HDAC4: variants seen among roughly 807,000 people sequenced by gnomAD.
HDAC4 encodes histone deacetylase 4.
Under a neutral mutation model 135.1 loss-of-function variants are expected in HDAC4, and 16 were observed. The observed-to-expected ratio is 0.12, with a 90% confidence interval of 0.08 to 0.18. The LOEUF is 0.18. Among genes scored for constraint, HDAC4 ranks in the 10% least tolerant of loss-of-function variants. HDAC4 has a pLI of 1.00. For synonymous variants in HDAC4, 685 were observed against 653.4 expected, an observed-to-expected ratio of 1.05 and a Z score of -0.74; for missense variants, 1,143 against 1,511.8, an observed-to-expected ratio of 0.76 and a Z score of 4.05.
At chr2:239,201,438 C>G (rs896802475) in intron 3 of HDAC4, among the ~76,000 whole-genome samples, 1 of 152,198 alleles carries the variant, frequency 6.6e-6, no homozygotes, top group African/African-American at 2.4e-5. Flanking sequence ...CCTGCCCGAC[C>G]CCTCGGCCTG....
At chr2:239,135,287 T>C (rs1233988993) in intron 9 of HDAC4, among the ~76,000 whole-genome samples, 1 of 152,132 alleles carries the variant, frequency 6.6e-6, no homozygotes, top group Non-Finnish European at 1.5e-5. Flanking sequence ...AACAACTGCC[T>C]CTACGAAAGG....
At chr2:239,149,338 T>C (rs1051928409) in intron 7 of HDAC4, among the ~76,000 whole-genome samples, 6 of 151,882 alleles carry the variant, frequency 4.0e-5, no homozygotes, top group Admixed American at 6.6e-5. Flanking sequence ...AGGCGGAGGT[T>C]GTCTCACTTG....
At chr2:239,152,683 TA>T (rs2042188475) in intron 7 of HDAC4, among the ~76,000 whole-genome samples, 1 of 152,180 alleles carries the variant, frequency 6.6e-6, no homozygotes, top group East Asian at 1.9e-4. Context: ...ATTTTGGGTA[TA>T]AATCTTGGTG....
intron 3 of HDAC4, among the ~76,000 whole-genome samples, chr2:239,234,708 C>A (rs2047781855): frequency 1.3e-5 from 2 of 152,274 alleles, no homozygotes; most frequent in South Asian, 4.1e-4. Context: ...AGAGGCGGGC[C>A]CCAGGTGCCC....
At chr2:239,162,134 T>C (rs1408332690) in intron 6 of HDAC4, 11 of 456,680 alleles carry the variant, frequency 2.4e-5, no homozygotes, top group South Asian at 7.7e-5. Context: ...GCAGCCCCAC[T>C]GCTCTAGTCC....
intron 1 of HDAC4, among the ~76,000 whole-genome samples, chr2:239,356,349 G>C (rs1039032377): frequency 1.3e-5 from 2 of 152,130 alleles, no homozygotes; most frequent in Non-Finnish European, 2.9e-5. Flanking sequence ...CCCATTTAAA[G>C]GGCAGGGGTT....
intron 15 of HDAC4, among the ~76,000 whole-genome samples, chr2:239,106,040 C>T (rs1241956188): frequency 6.6e-6 from 1 of 152,204 alleles, no homozygotes; most frequent in Non-Finnish European, 1.5e-5. Flanking sequence ...CTGTCTTTCT[C>T]CAGCTCTCCT....
chr2:239,120,325 G>A (rs1219787513), intron 12 of HDAC4, among the ~76,000 whole-genome samples: 1 of 151,998 alleles, frequency 6.6e-6, no homozygotes, highest in Non-Finnish European at 1.5e-5. Context: ...GGGAAGCAGG[G>A]AGGCCACAGA....
At chr2:239,259,763 T>C (rs572267929) in intron 2 of HDAC4, among the ~76,000 whole-genome samples, 2 of 152,376 alleles carry the variant, frequency 1.3e-5, no homozygotes, top group Non-Finnish European at 2.9e-5. Context: ...GAAAGATCTC[T>C]GCTGACAATG....
At chr2:239,131,508 G>A (rs1338304151) in intron 11 of HDAC4, among the ~76,000 whole-genome samples, 1 of 152,184 alleles carries the variant, frequency 6.6e-6, no homozygotes, top group African/African-American at 2.4e-5. Context: ...AGGCAGGGCT[G>A]GGGCAGGGAT....
chr2:239,207,148 A>T (rs1019373786), intron 3 of HDAC4, among the ~76,000 whole-genome samples: 4 of 152,210 alleles, frequency 2.6e-5, no homozygotes, highest in Admixed American at 1.3e-4. Flanking sequence ...AAAAAAAAAA[A>T]TTTCTAAATA....
chr2:239,288,098 T>C (rs1476505748), intron 2 of HDAC4, among the ~76,000 whole-genome samples: 2 of 150,100 alleles, frequency 1.3e-5, no homozygotes, highest in East Asian at 3.9e-4. Context: ...AAAGGAAAAT[T>C]ACCGTCCACT....
chr2:239,400,663 C>A lies in HDAC4; in HGVS notation c.-220+315G>T. 1 of 146,098 alleles carries A rather than the reference C, an allele frequency of 6.8e-6. No individual in the cohort carries two copies. The highest frequency in any genetic ancestry group is 1.9e-4 in the South Asian group (1 of 5,394). The allele number at this position is 146,098 out of a possible 1,614,324, so 9.1% of individuals were successfully genotyped here. ...GCGGGGCGGGCGGCGGACAATGGCC[C>A]GCGGGCGCCGGGCCGGGGCTGCGCT... On this transcript the variant is annotated intron_variant, in intron 1 of 26. Coordinates refer to ENST00000543185, the MANE Select transcript of HDAC4 (RefSeq NM_001378414.1). The surrounding 1 kb of genome is among the most constrained non-coding windows in gnomAD (Gnocchi z 4.7).
intron 26 of HDAC4, 127 bp from the exon 27 acceptor site, chr2:239,053,263 C>T (rs933077627): frequency 2.3e-5 from 32 of 1,369,890 alleles, no homozygotes; most frequent in East Asian, 2.3e-4. Flanking sequence ...CTGGCAGCCC[C>T]GGGTCCATCT....
At chr2:239,334,435 T>C (rs963841688) in intron 2 of HDAC4, among the ~76,000 whole-genome samples, 1 of 151,926 alleles carries the variant, frequency 6.6e-6, no homozygotes, top group African/African-American at 2.4e-5. Context: ...GCACGAGAAC[T>C]GCTTGAGCCT....
rs74000542 is a variant in HDAC4, at chr2:239,244,742, C to T, written c.23-8078G>A. Reference sequence around the variant, plus strand: ...CCACCTCAAGCAGGACCTGCACCTGCGCTGGCCTCCTCCCAGCTCAGCCTC... The same window carrying T: ...CCACCTCAAGCAGGACCTGCACCTGTGCTGGCCTCCTCCCAGCTCAGCCTC... On this transcript the variant is annotated intron_variant, in intron 2 of 26. Coordinates refer to ENST00000543185, the MANE Select transcript of HDAC4 (RefSeq NM_001378414.1). Among the ~76,000 whole-genome samples, 795 of 152,298 alleles carry T rather than the reference C, an allele frequency of 5.2e-3. 3 individuals are homozygous for T. Among genetic ancestry groups the T allele is most frequent in the African/African-American group, 0.018 (765 of 41,578 alleles).
At chr2:239,179,288 C>T (rs1253903654) in intron 4 of HDAC4, among the ~76,000 whole-genome samples, 1 of 152,232 alleles carries the variant, frequency 6.6e-6, no homozygotes, top group Non-Finnish European at 1.5e-5. Context: ...GGGGTCCCCA[C>T]CTCCGGCCGT....
chr2:239,374,098 T>C (rs989395386), intron 1 of HDAC4, among the ~76,000 whole-genome samples: 1 of 152,172 alleles, frequency 6.6e-6, no homozygotes, highest in Non-Finnish European at 1.5e-5. Flanking sequence ...ACAGTGATGC[T>C]ATGGCGTCCG....
Position 239,207,546 on chromosome 2 carries a change from C to T in HDAC4, c.95-17469G>A, listed in dbSNP as rs560134477. 3.3e-5 allele frequency among the ~76,000 whole-genome samples: 5 copies of T among 152,186 alleles called. No homozygotes were observed. The East Asian group carries it at 9.6e-4, about 29-fold the overall frequency. On this transcript the variant is annotated intron_variant, in intron 3 of 26. Coordinates refer to ENST00000543185, the MANE Select transcript of HDAC4 (RefSeq NM_001378414.1). The stretch of plus-strand genomic sequence containing the variant: ...TAAAAAACATTAGGAGTTTAATCAC[C>T]TAGCCTCAGATATGGCAGAGATTTA...
Sources: gnomAD v4.1 joint callset for allele counts (sites outside exome capture counted in the v4.1 genomes callset) on GRCh38, gnomAD v4.1.1 for gene constraint, Gnocchi (gnomAD v3.1) non-coding constraint, MANE v1.5 for transcripts, NCBI Gene and HGNC (gene_info 2026-07-23, HGNC 2026-07-21) for gene names.